Variants in NCK2 observed in about 807,000 individuals in gnomAD.
NCK2 encodes the protein cytoplasmic protein NCK2.
NCK2 carries 16 observed loss-of-function variants against 33.9 expected under a neutral mutation model. The observed-to-expected ratio is 0.47, with a 90% CI of 0.32 to 0.72. The LOEUF is 0.72. Among genes scored for constraint, NCK2 ranks in the 30% least tolerant of loss-of-function variants. NCK2 has a pLI of 0.03. For missense variants in NCK2, 418 were observed against 537.3 expected, an observed-to-expected ratio of 0.78 and a Z score of 2.19; for synonymous variants, 273 against 239.9, an observed-to-expected ratio of 1.14 and a Z score of -1.27.
At chr2:105,796,179 T>G (rs1360281398) in intron 1 of NCK2, among the ~76,000 whole-genome samples, 1 of 152,244 alleles carries the variant, frequency 6.6e-6, no homozygotes, top group Non-Finnish European at 1.5e-5. Context: ...GTCTCTGTAT[T>G]GGCCGCCCTC....
chr2:105,762,046 GT>G (rs1344813976), intron 1 of NCK2, among the ~76,000 whole-genome samples: 1 of 152,132 alleles, frequency 6.6e-6, no homozygotes, highest in African/African-American at 2.4e-5. Flanking sequence ...GCAAGTGTGG[GT>G]TTTGGTGGCT....
upstream of NCK2, chr2:105,744,813 G>GGGAGGAGGAGGAAGAGCGC (rs1689205217): frequency 6.6e-6 from 1 of 150,518 alleles, no homozygotes; most frequent in South Asian, 1.8e-4. Context: ...GGAGGAGCGC[G>GGGAGGAGGAGGAAGAGCGC]GGAGGAGGAG....
intron 1 of NCK2, among the ~76,000 whole-genome samples, chr2:105,749,625 AAC>A (rs1268657664): frequency 2.6e-5 from 4 of 152,218 alleles, no homozygotes; most frequent in African/African-American, 9.6e-5. Context: ...CAGTTTACAG[AAC>A]ACAGTGTCCT....
At chr2:105,855,832 CTTTTT>C (rs34445543) in intron 3 of NCK2, 11 of 113,154 alleles carry the variant, frequency 9.7e-5, no homozygotes, top group Admixed American at 9.1e-5. Flanking sequence ...CCATGTGCCT[CTTTTT>C]TTTTTTTTTT....
chr2:105,767,751 C>T (rs890351713), intron 1 of NCK2, among the ~76,000 whole-genome samples: 4 of 152,156 alleles, frequency 2.6e-5, no homozygotes, highest in Non-Finnish European at 4.4e-5. Flanking sequence ...CCTTTATTGG[C>T]GCGAGGTTTG....
intron 2 of NCK2, chr2:105,846,812 A>C (rs1430625508): frequency 6.6e-6 from 1 of 152,186 alleles, no homozygotes; most frequent in Non-Finnish European, 1.5e-5. Flanking sequence ...CAGCAATTTC[A>C]CTTCTAGGTA....
chr2:105,871,197 CTTTG>C lies in NCK2; in HGVS notation c.227-10125_227-10122del, dbSNP rs565687824. Among the ~76,000 whole-genome samples the C allele has an allele frequency of 5.3e-5, 8 of 152,018 alleles. No individual in the cohort carries two copies. In the South Asian group the frequency reaches 1.5e-3, roughly 28 times the overall value. On this transcript the variant is annotated intron_variant, in intron 3 of 4. Transcript: ENST00000233154. ...CCCAGATCTGAGGCCACGATGGTGA[CTTTG>C]TTTGTCCTTCCCAAGGAGATAAATA...
intron 1 of NCK2, among the ~76,000 whole-genome samples, chr2:105,794,006 A>C (rs895524337): frequency 6.7e-6 from 1 of 149,306 alleles, no homozygotes; most frequent in Admixed American, 6.7e-5. Flanking sequence ...ATTGATACTT[A>C]TAACTCAAAA....
intron 2 of NCK2, among the ~76,000 whole-genome samples, chr2:105,843,221 A>G (rs982637007): frequency 2.0e-5 from 3 of 152,130 alleles, no homozygotes; most frequent in African/African-American, 7.2e-5. Flanking sequence ...TCATATATAT[A>G]TAGCCCGAAG....
chr2:105,792,299 T>G (rs1690913447), intron 1 of NCK2, among the ~76,000 whole-genome samples: 1 of 152,228 alleles, frequency 6.6e-6, no homozygotes, highest in Non-Finnish European at 1.5e-5. Context: ...TCATATTCAG[T>G]GTAGTCCTAA....
Position 105,892,585 on chromosome 2 carries a change from G to A in NCK2, c.949-397G>A, listed in dbSNP as rs1049613391. ...GCGTGGTGGCTCATGCCTGTAATCC[G>A]AGCAATTTGGAAGGCTGAGGCTGGG... On this transcript the variant is annotated intron_variant, in intron 4 of 4. Transcript: ENST00000233154. 4.8e-5 allele frequency among the ~76,000 whole-genome samples: 7 copies of A among 144,672 alleles called. No individual in the cohort carries two copies. The East Asian group carries it at 1.3e-3, about 26-fold the overall frequency. The allele number at this position is 144,672 out of a possible 152,430, so 94.9% of individuals were successfully genotyped here.
intron 2 of NCK2, among the ~76,000 whole-genome samples, chr2:105,844,943 G>T (rs1676799236): frequency 6.6e-6 from 1 of 151,864 alleles, no homozygotes; most frequent in South Asian, 2.1e-4. Context: ...ATAAATATTA[G>T]CATTTATTGT....
At chr2:105,858,973 C>G (rs1677402946) in intron 3 of NCK2, among the ~76,000 whole-genome samples, 1 of 152,198 alleles carries the variant, frequency 6.6e-6, no homozygotes, top group African/African-American at 2.4e-5. Context: ...AGAACTGTTT[C>G]TGCTGGCAGA....
intron 2 of NCK2, among the ~76,000 whole-genome samples, chr2:105,826,571 TA>T (rs1176704617): frequency 6.6e-6 from 1 of 152,204 alleles, no homozygotes; most frequent in African/African-American, 2.4e-5. Flanking sequence ...ATGTAACTAA[TA>T]AAGCAAGAAT....
At chr2:105,885,844 T>C (rs1360592173) in intron 4 of NCK2, among the ~76,000 whole-genome samples, 1 of 152,236 alleles carries the variant, frequency 6.6e-6, no homozygotes, top group Non-Finnish European at 1.5e-5. Context: ...CTGAAGCTTT[T>C]GTTGAGTGGG....
intron 2 of NCK2, among the ~76,000 whole-genome samples, chr2:105,832,201 C>G (rs1192709742): frequency 6.6e-6 from 1 of 152,084 alleles, no homozygotes; most frequent in Non-Finnish European, 1.5e-5. Flanking sequence ...AGAAGAAACA[C>G]TACTGATTTT....
At chr2:105,818,278 T>TGCGGTGG (rs1205265325) in intron 2 of NCK2, among the ~76,000 whole-genome samples, 1 of 15,094 alleles carries the variant, frequency 6.6e-5, no homozygotes, top group African/African-American at 3.0e-4. Flanking sequence ...GGGCCTGTTT[T>TGCGGTGG]GGGGTGGGGG....
intron 2 of NCK2, among the ~76,000 whole-genome samples, chr2:105,853,628 A>G (rs1238084808): frequency 6.6e-6 from 1 of 152,210 alleles, no homozygotes; most frequent in Non-Finnish European, 1.5e-5. Flanking sequence ...TTTTAAAGAA[A>G]AAACTTATTC....
chr2:105,788,883 CG>C (rs764040005), intron 1 of NCK2, among the ~76,000 whole-genome samples: 2 of 152,170 alleles, frequency 1.3e-5, no homozygotes, highest in Non-Finnish European at 2.9e-5. Context: ...GTCAGGGCAG[CG>C]GATCTCTTAT....
Sources: gnomAD v4.1 joint callset for allele counts (sites outside exome capture counted in the v4.1 genomes callset) on GRCh38, gnomAD v4.1.1 for gene constraint, MANE v1.5 for transcripts, NCBI Gene and HGNC (gene_info 2026-07-23, HGNC 2026-07-21) for gene names.